CAMLG: variants seen among roughly 807,000 people sequenced by gnomAD.
The protein encoded by CAMLG is guided entry of tail-anchored proteins factor CAMLG.
A neutral mutation model predicts 28.9 loss-of-function variants in CAMLG; 23 were observed. The observed-to-expected ratio is 0.80, with a 90% CI of 0.57 to 1.13. The LOEUF is 1.13. Ranked by LOEUF, CAMLG falls within the 50% of genes most tolerant of loss-of-function variation. The pLI is 0.00. For synonymous variants in CAMLG, 141 were observed against 146.5 expected (o/e 0.96, Z 0.27); for missense variants, 367 against 371.9 (o/e 0.99, Z 0.11).
chr5:134,740,851 G>A (rs1752973574), intron 1 of CAMLG, among the ~76,000 whole-genome samples: 1 of 152,076 alleles, frequency 6.6e-6, no homozygotes, highest in Non-Finnish European at 1.5e-5. Context: ...CTCATGATCC[G>A]CCCGCCTCAG....
chr5:134,741,026 GAAT>G (rs1469194853), intron 1 of CAMLG, 34 bp from the exon 2 acceptor site: 1 of 1,438,098 alleles, frequency 7.0e-7, no homozygotes, highest in African/African-American at 1.4e-5. Context: ...TGCCAGTATG[GAAT>G]AAATACATAA....
chr5:134,750,415 G>T (rs1580758255), intron 3 of CAMLG, among the ~76,000 whole-genome samples: 1 of 152,152 alleles, frequency 6.6e-6, no homozygotes, highest in East Asian at 1.9e-4. Context: ...GCAAGCACCT[G>T]TAATCCCGGC....
At chr5:134,743,569 T>TA (rs879838738) in intron 2 of CAMLG, among the ~76,000 whole-genome samples, 25 of 132,134 alleles carry the variant, frequency 1.9e-4, no homozygotes, top group South Asian at 1.2e-3. Flanking sequence ...GACTCCATCT[T>TA]AAAAAAAAAA....
At position 134,738,942 on chromosome 5, in the gene CAMLG, A is replaced by G. The variant is rs548045142; in HGVS notation, c.172+150A>G. 1.3e-5 allele frequency: 10 copies of G among 770,796 alleles called. No homozygotes were observed. In the East Asian group the frequency reaches 2.6e-4, roughly 20 times the overall value. 47.7% of individuals were successfully genotyped at this position (770,796 alleles called of 1,614,324 possible). On this transcript the variant is annotated intron_variant, in intron 1 of 3. Coordinates refer to ENST00000297156, the MANE Select transcript of CAMLG (RefSeq NM_001745.4). ...GTCCCGCCCCTTCGGTGATATCCCAAGTTCTCATCCCTGAACCCCAGGATG... is the reference window on the plus strand; with the variant it reads ...GTCCCGCCCCTTCGGTGATATCCCAGGTTCTCATCCCTGAACCCCAGGATG...
chr5:134,743,850 G>A (rs997617420), intron 2 of CAMLG, 137 bp from the exon 3 acceptor site: 5 of 560,844 alleles, frequency 8.9e-6, no homozygotes, highest in Admixed American at 6.5e-5. Context: ...GGGTGACAGA[G>A]GAAGACTCCG....
In CAMLG at chr5:134,744,059, T is replaced by A. The variant is rs762317100; in HGVS notation, c.699+7T>A. On this transcript the variant is annotated splice_region_variant and intron_variant, in intron 3 of 3. Coordinates refer to ENST00000297156, the MANE Select transcript of CAMLG (RefSeq NM_001745.4). ...ATACAAATATTTTCCCAAGGTAAAT[T>A]AATTTTTTTTCTAAATTTCGATGAT... is the stretch of plus-strand genomic sequence containing the variant. The A allele has an allele frequency of 1.6e-6, 2 of 1,274,222 alleles. No homozygotes were observed. The highest frequency in any genetic ancestry group is 2.3e-6 in the Non-Finnish European group (2 of 883,968). 78.9% of individuals were successfully genotyped at this position (1,274,222 alleles called of 1,614,324 possible).
At chr5:134,741,040 G>A in intron 1 of CAMLG, 23 bp from the exon 2 acceptor site, 9 of 1,538,204 alleles carry the variant, frequency 5.9e-6, no homozygotes, top group Non-Finnish European at 8.1e-6. Flanking sequence ...AAATACATAA[G>A]GCTTTTACAT....
At chr5:134,747,568 G>C (rs192706122) in intron 3 of CAMLG, among the ~76,000 whole-genome samples, 45 of 145,766 alleles carry the variant, frequency 3.1e-4, no homozygotes, top group African/African-American at 1.1e-3. Flanking sequence ...GGATGGTCTC[G>C]ATCTCCTGAC....
At chr5:134,744,135 G>A (rs1753017530) in intron 3 of CAMLG, 83 bp downstream of exon 3, 9 of 683,558 alleles carry the variant, frequency 1.3e-5, no homozygotes, top group Admixed American at 2.3e-5. Context: ...AAAAATGTTA[G>A]TCCTGCTTAC....
At chr5:134,750,613 T>C (rs1753102352) in intron 3 of CAMLG, 146 bp from the exon 4 acceptor site, 2 of 571,582 alleles carry the variant, frequency 3.5e-6, no homozygotes, top group South Asian at 5.0e-5. Context: ...GCTCAGTAAA[T>C]GTTGGTATCT....
chr5:134,744,976 G>GA (rs1323403004), intron 3 of CAMLG, among the ~76,000 whole-genome samples: 1 of 152,168 alleles, frequency 6.6e-6, no homozygotes, highest in African/African-American at 2.4e-5. Context: ...GCTTTTTGCT[G>GA]AAAAAATTGC....
intron 3 of CAMLG, among the ~76,000 whole-genome samples, chr5:134,749,936 C>T (rs1222322602): frequency 1.3e-5 from 2 of 152,154 alleles, no homozygotes; most frequent in Non-Finnish European, 2.9e-5. Context: ...AACTCCTAGG[C>T]TCAAGCCATC....
At chr5:134,746,137 C>CA (rs1156938843) in intron 3 of CAMLG, among the ~76,000 whole-genome samples, 30,984 of 76,776 alleles carry the variant, frequency 0.4, 5,646 homozygotes, top group Non-Finnish European at 0.5. Flanking sequence ...AACTCCATCT[C>CA]AAAAAAAAAA....
intron 3 of CAMLG, among the ~76,000 whole-genome samples, chr5:134,744,525 T>TC (rs1173178752): frequency 1.2e-4 from 13 of 109,410 alleles, no homozygotes; most frequent in African/African-American, 4.7e-4. Flanking sequence ...AGACTCTGTC[T>TC]CCAAAAAAAA....
intron 3 of CAMLG, among the ~76,000 whole-genome samples, chr5:134,749,109 C>G (rs1435919082): frequency 4.0e-5 from 6 of 151,560 alleles, no homozygotes; most frequent in East Asian, 1.9e-4. Flanking sequence ...GCTCTGTCAC[C>G]CAGGCTGGAG....
intron 3 of CAMLG, among the ~76,000 whole-genome samples, chr5:134,748,949 TCTC>T (rs1274667316): frequency 1.3e-5 from 2 of 152,204 alleles, no homozygotes; most frequent in Non-Finnish European, 2.9e-5. Flanking sequence ...ATTTATCTAG[TCTC>T]CTATAGATGG....
rs1417323859 is a variant in CAMLG at position 134,743,838 on chromosome 5, C to T, written c.634-149C>T. 3 of 550,900 alleles carry T rather than the reference C, an allele frequency of 5.4e-6. No individual in the cohort carries two copies. In the South Asian group the frequency reaches 6.6e-5, roughly 12 times the overall value. The allele number at this position is 550,900 out of a possible 1,614,324, so 34.1% of individuals were successfully genotyped here. On this transcript the variant is annotated intron_variant, in intron 2 of 3. Transcript: ENST00000297156. ...CCAAGATCGTGCCACTGCACTCAGC[C>T]TGGGTGACAGAGGAAGACTCCGTCT...
chr5:134,738,691 C>A lies in CAMLG; in HGVS notation c.71C>A (p.Ala24Asp), dbSNP rs1752947853. Residue 24 changes from alanine (A) to aspartate (D), a missense_variant, in exon 1 of 4, where the codon GCT (alanine) becomes GAT (aspartate). Physicochemically the swap from Ala to Asp is moderately radical, Grantham distance 126. Transcript: ENST00000297156. ...GTCCCAGCGGGCTCAGGTCTGTCGG[C>A]TTCCCAGCGTCGGGCGGAGCTGCGT... is the stretch of plus-strand genomic sequence containing the variant. ...PGVPAGSGLS[A>D]SQRRAELRRR... is the part of the protein sequence containing the mutation. 3 of 1,613,996 alleles carry A rather than the reference C, an allele frequency of 1.9e-6. No homozygotes were observed. Among genetic ancestry groups the A allele is most frequent in the Non-Finnish European group, 2.5e-6 (3 of 1,179,944 alleles).
chr5:134,742,646 T>G (rs1752998991), intron 2 of CAMLG, among the ~76,000 whole-genome samples: 1 of 152,236 alleles, frequency 6.6e-6, no homozygotes, highest in Non-Finnish European at 1.5e-5. Flanking sequence ...AGTGTCTTGC[T>G]CTGAGGTTTT....
Sources: gnomAD v4.1 joint callset for allele counts (sites outside exome capture counted in the v4.1 genomes callset) on GRCh38, gnomAD v4.1.1 for gene constraint, MANE v1.5 for transcripts, NCBI Gene and HGNC (gene_info 2026-07-23, HGNC 2026-07-21) for gene names.